Variants in ATP2B2 observed in about 807,000 individuals in gnomAD.
The protein encoded by ATP2B2 is plasma membrane calcium-transporting ATPase 2.
Under a neutral mutation model 120.0 loss-of-function variants are expected in ATP2B2, and 15 were observed. The observed-to-expected ratio is 0.12, with a 90% CI of 0.08 to 0.19. ATP2B2 has a LOEUF of 0.19. Ranked by LOEUF, ATP2B2 falls within the 10% of genes least tolerant of loss-of-function variation. ATP2B2 has a pLI of 1.00. For synonymous variants in ATP2B2, 694 were observed against 700.3 expected (o/e 0.99, Z 0.14); for missense variants, 1,045 against 1,719.8 (o/e 0.61, Z 6.94).
intron 1 of ATP2B2, among the ~76,000 whole-genome samples, chr3:10,669,603 C>G (rs1183547601): frequency 6.6e-6 from 1 of 152,206 alleles, no homozygotes; most frequent in African/African-American, 2.4e-5. Flanking sequence ...GGCCCAGGCA[C>G]CCATAAATAT....
At chr3:10,602,170 T>C (rs1026207680) in intron 2 of ATP2B2, among the ~76,000 whole-genome samples, 1 of 151,752 alleles carries the variant, frequency 6.6e-6, no homozygotes, top group African/African-American at 2.4e-5. Flanking sequence ...CCTGCCCTCA[T>C]CAAAATGGAG....
At chr3:10,582,196 T>G (rs1039323630) in intron 2 of ATP2B2, among the ~76,000 whole-genome samples, 1 of 152,190 alleles carries the variant, frequency 6.6e-6, no homozygotes, top group Non-Finnish European at 1.5e-5. Flanking sequence ...GGGTCGTTGT[T>G]TCTTGGGGGG....
At chr3:10,379,789 G>C (rs187238547) in intron 8 of ATP2B2, among the ~76,000 whole-genome samples, 1,544 of 152,090 alleles carry the variant, frequency 0.01, 31 homozygotes, top group African/African-American at 0.036. Flanking sequence ...AAGAGAGACA[G>C]AGAGAGAGGA....
chr3:10,662,017 T>C (rs113778799), intron 1 of ATP2B2, among the ~76,000 whole-genome samples: 1 of 152,194 alleles, frequency 6.6e-6, no homozygotes, highest in South Asian at 2.1e-4. Flanking sequence ...CCCTATTTAA[T>C]AAATGGTGCC....
chr3:10,547,004 C>T (rs925425258), intron 2 of ATP2B2, among the ~76,000 whole-genome samples: 2 of 152,192 alleles, frequency 1.3e-5, no homozygotes, highest in Non-Finnish European at 2.9e-5. Flanking sequence ...CACACCAACT[C>T]AGAGGCAAAA....
chr3:10,694,420 G>A (rs1450958902), intron 1 of ATP2B2, among the ~76,000 whole-genome samples: 3 of 152,174 alleles, frequency 2.0e-5, no homozygotes, highest in Non-Finnish European at 4.4e-5. Context: ...CATGCAGTAT[G>A]TAACTTTTTA....
intron 1 of ATP2B2, among the ~76,000 whole-genome samples, chr3:10,705,522 G>A (rs759340614): frequency 5.9e-5 from 9 of 152,160 alleles, no homozygotes; most frequent in Non-Finnish European, 1.0e-4. Flanking sequence ...CTATTACATC[G>A]TTTGTGCTAC....
chr3:10,366,929 G>T (rs989877714), intron 12 of ATP2B2, among the ~76,000 whole-genome samples: 8 of 152,214 alleles, frequency 5.3e-5, no homozygotes, highest in Non-Finnish European at 1.0e-4. Flanking sequence ...AGTTACTGAT[G>T]ATTAGAAATA....
intron 2 of ATP2B2, among the ~76,000 whole-genome samples, chr3:10,556,381 T>C (rs567321301): frequency 6.6e-6 from 1 of 152,316 alleles, no homozygotes; most frequent in Non-Finnish European, 1.5e-5. Flanking sequence ...GAGCTGTCTT[T>C]CTAGTGGTGG....
intron 1 of ATP2B2, among the ~76,000 whole-genome samples, chr3:10,639,178 C>G (rs921193323): frequency 1.3e-5 from 2 of 152,184 alleles, no homozygotes; most frequent in Non-Finnish European, 2.9e-5. Context: ...TTTAAAACTT[C>G]TGCTCTCGGA....
upstream of ATP2B2, chr3:10,505,616 G>GGGGCGGA: frequency 6.9e-6 from 1 of 145,596 alleles, no homozygotes; most frequent in Non-Finnish European, 1.5e-5. Flanking sequence ...TGGGGGGCGG[G>GGGGCGGA]GGGCGGAGGC....
At chr3:10,603,669 C>T (rs2068985859) in intron 2 of ATP2B2, among the ~76,000 whole-genome samples, 1 of 152,118 alleles carries the variant, frequency 6.6e-6, no homozygotes, top group African/African-American at 2.4e-5. Flanking sequence ...CTGTTCTCTA[C>T]CCTCTGTTCC....
At chr3:10,574,621 T>G (rs1304181051) in intron 2 of ATP2B2, among the ~76,000 whole-genome samples, 1 of 152,230 alleles carries the variant, frequency 6.6e-6, no homozygotes, top group Non-Finnish European at 1.5e-5. Context: ...TTTATAATTA[T>G]TATTTACATT....
chr3:10,635,681 C>T lies in ATP2B2; in HGVS notation c.-459-15720G>A, dbSNP rs2070003592. ...GCACGCGACAAGGACGCAGCATCCT[C>T]AGGCCTCCTTCCATACAGCCCTGTG... is the stretch of plus-strand genomic sequence containing the variant. On this transcript the variant is annotated intron_variant, in intron 1 of 21. Coordinates refer to the ATP2B2 transcript ENST00000646379. This position sits in a 1 kb window ranked among gnomAD's most constrained non-coding sequence, Gnocchi z 4.3. 6.6e-6 allele frequency among the ~76,000 whole-genome samples: 1 copy of T among 152,222 alleles called. No homozygotes were observed. The highest frequency in any genetic ancestry group is 2.4e-5 in the African/African-American group (1 of 41,460).
upstream of ATP2B2, among the ~76,000 whole-genome samples, chr3:10,510,554 T>C (rs116445538): frequency 4.2e-3 from 646 of 152,294 alleles, 2 homozygotes; most frequent in Non-Finnish European, 7.0e-3. Context: ...TAGAAAACCT[T>C]AGCCCCGTGA....
intron 1 of ATP2B2, among the ~76,000 whole-genome samples, chr3:10,495,522 T>G (rs550162461): frequency 6.6e-6 from 1 of 152,338 alleles, no homozygotes; most frequent in East Asian, 1.9e-4. Flanking sequence ...AAACGAGAGC[T>G]GTCTTGGTTA....
At chr3:10,614,139 G>C (rs913707670) in intron 2 of ATP2B2, among the ~76,000 whole-genome samples, 1 of 152,002 alleles carries the variant, frequency 6.6e-6, no homozygotes, top group Non-Finnish European at 1.5e-5. Context: ...TATTACATAT[G>C]CATTTGTTTA....
Position 10,346,954 on chromosome 3 carries a change from A to G in ATP2B2, c.2405-817T>C, listed in dbSNP as rs2060448507. 6.6e-6 allele frequency among the ~76,000 whole-genome samples: 1 copy of G among 152,150 alleles called. No individual in the cohort carries two copies. The highest frequency in any genetic ancestry group is 2.4e-5 in the African/African-American group (1 of 41,430). On this transcript the variant is annotated intron_variant, in intron 16 of 22. Coordinates refer to ENST00000360273, the MANE Select transcript of ATP2B2 (RefSeq NM_001001331.4). This position sits in a 1 kb window ranked among gnomAD's most constrained non-coding sequence, Gnocchi z 4.1. ...TCTGTCTCCACCCTCTGCCACCAGC[A>G]TCACTTTGTTTCCTCTCACTGACTC... is the stretch of plus-strand genomic sequence containing the variant.
chr3:10,563,383 C>A (rs2067944293), intron 2 of ATP2B2, among the ~76,000 whole-genome samples: 1 of 152,224 alleles, frequency 6.6e-6, no homozygotes, highest in Admixed American at 6.5e-5. Context: ...CCTGGCAAAT[C>A]AATAATCCAA....
Sources: allele counts gnomAD v4.1 joint callset (sites outside exome capture counted in the v4.1 genomes callset), GRCh38; gene constraint gnomAD v4.1.1; non-coding constraint Gnocchi (gnomAD v3.1); transcripts MANE v1.5; gene names NCBI Gene and HGNC (gene_info 2026-07-23, HGNC 2026-07-21).